The following TRAPPC9 variants were observed in gnomAD, a reference collection of about 807,000 sequenced individuals.
TRAPPC9 encodes the protein IKK2 binding protein.
A neutral mutation model predicts 124.0 loss-of-function variants in TRAPPC9; 83 were observed. That is an observed-to-expected ratio of 0.67 (90% CI 0.56 to 0.80). The LOEUF (loss-of-function observed/expected upper bound fraction) is 0.80, where lower values mean the gene tolerates loss of function less well. Ranked by LOEUF, TRAPPC9 falls within the 30% of genes least tolerant of loss-of-function variation. TRAPPC9 has a pLI of 0.00. For synonymous variants in TRAPPC9, 638 were observed against 617.5 expected, an observed-to-expected ratio of 1.03 and a Z score of -0.49; for missense variants, 1,302 against 1,508.3, an observed-to-expected ratio of 0.86 and a Z score of 2.27.
intron 21 of TRAPPC9, among the ~76,000 whole-genome samples, chr8:139,813,506 G>A (rs1038565407): frequency 6.6e-6 from 1 of 152,200 alleles, no homozygotes; most frequent in Non-Finnish European, 1.5e-5. Context: ...TATGAGCCGA[G>A]AAGGGCCAGG....
Position 140,287,704 on chromosome 8 carries a change from A to G in TRAPPC9, c.1885T>C (p.Ser629Pro). ...GGAAGAGAAAGCGCCGCAGGGAGAG[A>G]CTCGAACTCCACTCCGCTGGTGAGC... Reference protein sequence around the residue: ...GLLTSGVEFESLPAALSLPAE... With the variant: ...GLLTSGVEFEPLPAALSLPAE... Residue 629 changes from serine (S) to proline (P), a missense_variant, in exon 13 of 23, where the codon TCT becomes CCT. Around this residue, in one of 3 missense-constraint regions of TRAPPC9, gnomAD observed 640 missense variants for 679.3 expected, o/e 0.94. Transcript: ENST00000438773. 3 of 1,614,016 alleles carry G rather than the reference A, an allele frequency of 1.9e-6. No homozygotes were observed. Among genetic ancestry groups the G allele is most frequent in the Middle Eastern group, 3.3e-4 (2 of 6,062 alleles).
At chr8:139,864,395 G>A (rs554682831) in intron 21 of TRAPPC9, among the ~76,000 whole-genome samples, 2 of 152,310 alleles carry the variant, frequency 1.3e-5, no homozygotes, top group African/African-American at 4.8e-5. Flanking sequence ...ATCTTAGAAG[G>A]AAACAATGGA....
Position 139,989,803 on chromosome 8 carries a change from G to A in TRAPPC9, c.2700-967C>T, listed in dbSNP as rs373643736. Reference sequence around the variant, plus strand: ...GGAAAAGTCCAGCCCCAAACGCGCCGTCCGTGTCCGTCACCATCTGATAGG... The same window carrying A: ...GGAAAAGTCCAGCCCCAAACGCGCCATCCGTGTCCGTCACCATCTGATAGG... On this transcript the variant is annotated intron_variant, in intron 18 of 22. Coordinates refer to ENST00000438773, the MANE Select transcript of TRAPPC9 (RefSeq NM_001160372.4). Among the ~76,000 whole-genome samples, 7 of 152,274 alleles carry A rather than the reference G, an allele frequency of 4.6e-5. No homozygotes were observed. The East Asian group carries it at 1.2e-3, about 25-fold the overall frequency.
At chr8:140,058,413 T>A (rs1842409787) in intron 17 of TRAPPC9, among the ~76,000 whole-genome samples, 1 of 152,128 alleles carries the variant, frequency 6.6e-6, no homozygotes, top group African/African-American at 2.4e-5. Context: ...TCCAGCCCCA[T>A]GACTCTATGA....
In TRAPPC9 at chr8:140,275,912, CT is replaced by C. The variant is rs1286586156; in HGVS notation, c.2115-92del. 3.8e-6 allele frequency: 4 copies of C among 1,058,248 alleles called. No individual in the cohort carries two copies. In the East Asian group the frequency reaches 9.8e-5, roughly 26 times the overall value. The allele number at this position is 1,058,248 out of a possible 1,614,324, so 65.6% of individuals were successfully genotyped here. A position where few individuals can be genotyped will look rare whatever the true frequency, so the allele number is the denominator to read the frequency against. On this transcript the variant is annotated intron_variant, in intron 14 of 22. Transcript: ENST00000438773. ...CACTTCCCAAAGAAGAATCACCATACTCATGCATTTCAGAAACAGGGGCTAG... is the reference window on the plus strand; with the variant it reads ...CACTTCCCAAAGAAGAATCACCATACCATGCATTTCAGAAACAGGGGCTAG...
intron 10 of TRAPPC9, chr8:140,302,949 A>T (rs980227905): frequency 5.9e-5 from 9 of 152,226 alleles, no homozygotes; most frequent in Non-Finnish European, 1.2e-4. Flanking sequence ...GAAATTCTTA[A>T]GGAAGGTTAT....
intron 21 of TRAPPC9, among the ~76,000 whole-genome samples, chr8:139,744,391 C>T (rs996873677): frequency 1.3e-5 from 2 of 150,948 alleles, no homozygotes; most frequent in Non-Finnish European, 1.5e-5. Context: ...ACCCTGACTG[C>T]TGGGAAGGGG....
chr8:139,840,004 A>G (rs1463790678), intron 21 of TRAPPC9, among the ~76,000 whole-genome samples: 1 of 152,208 alleles, frequency 6.6e-6, no homozygotes, highest in Non-Finnish European at 1.5e-5. Context: ...AGAGCCACAG[A>G]GGGTAGTTAT....
chr8:139,762,220 C>T (rs926981827), intron 21 of TRAPPC9, among the ~76,000 whole-genome samples: 1 of 151,942 alleles, frequency 6.6e-6, no homozygotes. Flanking sequence ...GCAAGCAGAG[C>T]GGCCCACTGC....
intron 17 of TRAPPC9, among the ~76,000 whole-genome samples, chr8:140,034,314 C>G (rs561769446): frequency 6.6e-6 from 1 of 152,178 alleles, no homozygotes; most frequent in Non-Finnish European, 1.5e-5. Flanking sequence ...TACTTCATAA[C>G]CTGGCTTTAC....
intron 2 of TRAPPC9, among the ~76,000 whole-genome samples, chr8:140,440,278 C>T (rs888357425): frequency 4.6e-5 from 7 of 152,074 alleles, no homozygotes; most frequent in Non-Finnish European, 8.8e-5. Context: ...GAGACCGAGG[C>T]GGGCGGATCA....
At chr8:140,444,884 G>C (rs1189508985) in intron 2 of TRAPPC9, among the ~76,000 whole-genome samples, 1 of 73,528 alleles carries the variant, frequency 1.4e-5, no homozygotes, top group Admixed American at 1.2e-4. Flanking sequence ...AAAAAAAACA[G>C]GATCTGGGCT....
chr8:139,997,603 C>G (rs1838102424), intron 18 of TRAPPC9, among the ~76,000 whole-genome samples: 2 of 146,650 alleles, frequency 1.4e-5, no homozygotes, highest in African/African-American at 5.0e-5. Flanking sequence ...GACAATGCAT[C>G]CTACACAGGG....
At chr8:140,451,516 G>T (rs1588383464) in intron 1 of TRAPPC9, 133 bp from the exon 2 acceptor site, 2 of 756,774 alleles carry the variant, frequency 2.6e-6, no homozygotes, top group Non-Finnish European at 4.6e-6. Context: ...GGCATCAACA[G>T]GTCTTAGGGC....
intron 19 of TRAPPC9, among the ~76,000 whole-genome samples, chr8:139,915,926 G>A (rs11990462): frequency 0.014 from 2,205 of 152,310 alleles, 57 homozygotes; most frequent in African/African-American, 0.05. Context: ...TGAGGAAGGG[G>A]CTTGTGCGTG....
At chr8:140,118,456 C>A (rs1342603122) in intron 17 of TRAPPC9, among the ~76,000 whole-genome samples, 1 of 152,202 alleles carries the variant, frequency 6.6e-6, no homozygotes, top group African/African-American at 2.4e-5. Context: ...TAGTGGACAC[C>A]CTGTGAAGTC....
intron 21 of TRAPPC9, among the ~76,000 whole-genome samples, chr8:139,758,392 C>A (rs1036842539): frequency 5.3e-5 from 8 of 152,198 alleles, no homozygotes; most frequent in African/African-American, 1.9e-4. Context: ...GAAACTAAAG[C>A]TGAACTTGGC....
intron 20 of TRAPPC9, among the ~76,000 whole-genome samples, chr8:139,906,314 T>G (rs550719516): frequency 6.6e-6 from 1 of 152,132 alleles, no homozygotes; most frequent in Admixed American, 6.5e-5. Context: ...GTGTCTTCAT[T>G]GTAATTTCTC....
intron 17 of TRAPPC9, among the ~76,000 whole-genome samples, chr8:140,055,238 C>T (rs887530855): frequency 6.6e-6 from 1 of 152,174 alleles, no homozygotes; most frequent in African/African-American, 2.4e-5. Flanking sequence ...CAATGTGGCT[C>T]TACCACATTA....
Sources: allele counts gnomAD v4.1 joint callset (sites outside exome capture counted in the v4.1 genomes callset), GRCh38; gene constraint gnomAD v4.1.1; regional missense constraint gnomAD v4.1.1; transcripts MANE v1.5; gene names NCBI Gene and HGNC (gene_info 2026-07-23, HGNC 2026-07-21).